The following TRAP1 variants were observed in gnomAD, a reference collection of about 807,000 sequenced individuals.
The protein encoded by TRAP1 is heat shock protein 75 kDa, mitochondrial.
Under a neutral mutation model 89.1 loss-of-function variants are expected in TRAP1, and 102 were observed. The ratio of observed to expected loss-of-function variants is 1.15; its 90% CI spans 0.98 to 1.35. The LOEUF (loss-of-function observed/expected upper bound fraction) is 1.35, where lower values mean the gene tolerates loss of function less well. TRAP1 is among the 40% of genes most tolerant of loss of function. The pLI is 0.00. For synonymous variants in TRAP1, 508 were observed against 388.0 expected (o/e 1.31, Z -3.64); for missense variants, 1,256 against 945.3 (o/e 1.33, Z -4.31).
At chr16:3,663,305 C>A in intron 14 of TRAP1, 119 bp downstream of exon 14, 1 of 1,365,902 alleles carries the variant, frequency 7.3e-7, no homozygotes, top group Non-Finnish European at 1.0e-6. Context: ...AGGCTCTTCT[C>A]GGGGGTGGCT....
chr16:3,664,539 C>T (rs969877809), intron 12 of TRAP1, 80 bp from the exon 13 acceptor site: 34 of 1,448,816 alleles, frequency 2.3e-5, no homozygotes, highest in East Asian at 2.3e-4. Flanking sequence ...GCAAACCCTC[C>T]GATGCCCATG....
intron 1 of TRAP1, among the ~76,000 whole-genome samples, chr16:3,715,505 T>C (rs1034569008): frequency 6.6e-6 from 1 of 151,994 alleles, no homozygotes; most frequent in African/African-American, 2.4e-5. Flanking sequence ...AAAACTGACA[T>C]ATTTTCCAAA....
chr16:3,706,006 T>C (rs1323408496), intron 1 of TRAP1, among the ~76,000 whole-genome samples: 2 of 151,156 alleles, frequency 1.3e-5, no homozygotes, highest in Non-Finnish European at 3.0e-5. Flanking sequence ...TTTTTCTTTT[T>C]TTTTTTTTGA....
chr16:3,709,615 A>C (rs532951809), intron 1 of TRAP1, among the ~76,000 whole-genome samples: 6 of 152,118 alleles, frequency 3.9e-5, no homozygotes, highest in African/African-American at 1.4e-4. Flanking sequence ...GGAAGATTAC[A>C]CACGGTTCCT....
Position 3,707,475 on chromosome 16 carries a change from G to A in TRAP1, c.88+9946C>T, listed in dbSNP as rs142559788. ...GCTAGGATTACAAGCGTGAGCCACC[G>A]CGCCCGGCCTTAAGAGGAAATGTTT... On this transcript the variant is annotated intron_variant, in intron 1 of 17. Transcript: ENST00000246957. Among the ~76,000 whole-genome samples the A allele has an allele frequency of 1.5e-3, 228 of 151,282 alleles. 1 individual carries two copies. Among genetic ancestry groups the A allele is most frequent in the African/African-American group, 4.9e-3 (203 of 41,250 alleles).
chr16:3,711,990 C>T (rs1380700178), intron 1 of TRAP1, among the ~76,000 whole-genome samples: 1 of 152,066 alleles, frequency 6.6e-6, no homozygotes, highest in African/African-American at 2.4e-5. Context: ...TTTTCAATCG[C>T]TATCAAGATT....
At position 3,675,408 on chromosome 16, in the gene TRAP1, C is replaced by A. The variant is rs1470894532; in HGVS notation, c.815-11G>T. The A allele has an allele frequency of 1.2e-6, 2 of 1,613,154 alleles. No homozygotes were observed. Among genetic ancestry groups the A allele is most frequent in the East Asian group, 2.2e-5 (1 of 44,846 alleles). On this transcript the variant is annotated splice_polypyrimidine_tract_variant and intron_variant, in intron 7 of 17. Coordinates refer to ENST00000246957, the MANE Select transcript of TRAP1 (RefSeq NM_016292.3). ...ACTTCGTTACCACATCTGGAAGGGA[C>A]AAAAGAAAAACCACACTGCATCTAC...
In TRAP1 at chr16:3,663,666, A is replaced by G. The variant is rs556127822; in HGVS notation, c.1570-104T>C. ...GGGCTGGGGGAGCCAAGCGGGCCAC[A>G]CTGGGGAACACCGGGGCAGTTGGGG... On this transcript the variant is annotated intron_variant, in intron 13 of 17. Transcript: ENST00000246957. 2.4e-5 allele frequency: 35 copies of G among 1,455,854 alleles called. 2 individuals carry two copies. The allele number at this position is 1,455,854 out of a possible 1,614,324, so 90.2% of individuals were successfully genotyped here. A position where few individuals can be genotyped will look rare whatever the true frequency, so the allele number is the denominator to read the frequency against.
At chr16:3,667,814 A>G (rs1426938440) in intron 11 of TRAP1, among the ~76,000 whole-genome samples, 2 of 148,094 alleles carry the variant, frequency 1.4e-5, no homozygotes, top group Non-Finnish European at 3.0e-5. Flanking sequence ...GCTGGAGTGC[A>G]GTGGCGTGAT....
rs576073204 is a variant in TRAP1 at position 3,663,679 on chromosome 16, G to C, written c.1570-117C>G. 9 of 1,300,626 alleles carry C rather than the reference G, an allele frequency of 6.9e-6. No homozygotes were observed. The South Asian group carries it at 1.1e-4, about 16-fold the overall frequency. 80.6% of individuals were successfully genotyped at this position (1,300,626 alleles called of 1,614,324 possible). A position where few individuals can be genotyped will look rare whatever the true frequency, so the allele number is the denominator to read the frequency against. On this transcript the variant is annotated intron_variant, in intron 13 of 17. Coordinates refer to ENST00000246957, the MANE Select transcript of TRAP1 (RefSeq NM_016292.3). ...CAAGCGGGCCACACTGGGGAACACC[G>C]GGGCAGTTGGGGTTCCTAGGCCTGC...
intron 14 of TRAP1, 184 bp from the exon 15 acceptor site, chr16:3,663,151 A>C (rs12920345): frequency 4.8e-5 from 32 of 662,082 alleles, no homozygotes; most frequent in Non-Finnish European, 5.6e-5. Flanking sequence ...TGAGGCCCAT[A>C]CAACTTGGTT....
At chr16:3,671,700 C>T in intron 11 of TRAP1, 22 bp downstream of exon 11, 3 of 1,610,494 alleles carry the variant, frequency 1.9e-6, no homozygotes, top group Non-Finnish European at 2.5e-6. Flanking sequence ...GCAGGGTCCT[C>T]TCCCCGCGGC....
At position 3,689,036 on chromosome 16, in the gene TRAP1, T is replaced by A. The variant is rs896785483; in HGVS notation, c.330+19A>T. The A allele has an allele frequency of 3.1e-6, 5 of 1,589,304 alleles. No homozygotes were observed. The highest frequency in any genetic ancestry group is 1.8e-5 in the Admixed American group (1 of 55,270). On this transcript the variant is annotated intron_variant, in intron 3 of 17. Coordinates refer to ENST00000246957, the MANE Select transcript of TRAP1 (RefSeq NM_016292.3). ...AAAGAAACTTTGCTAGCATCGGGCA[T>A]GGTTAGCAGGGAACGCACCTCTTTT...
chr16:3,658,933 G>C, intron 16 of TRAP1, 68 bp from the exon 17 acceptor site: 1 of 1,514,588 alleles, frequency 6.6e-7, no homozygotes, highest in Non-Finnish European at 9.1e-7. Flanking sequence ...TTCATGTTTT[G>C]GGATTATCAG....
intron 1 of TRAP1, among the ~76,000 whole-genome samples, chr16:3,698,734 C>A (rs868014521): frequency 6.6e-6 from 1 of 152,034 alleles, no homozygotes; most frequent in African/African-American, 2.4e-5. Context: ...TGGCAAAACC[C>A]CATCTCTACA....
chr16:3,712,939 C>G (rs1156678187), intron 1 of TRAP1, among the ~76,000 whole-genome samples: 1 of 152,132 alleles, frequency 6.6e-6, no homozygotes, highest in Non-Finnish European at 1.5e-5. Flanking sequence ...TTCAGGCACT[C>G]AGATAACTCA....
At chr16:3,698,485 G>A (rs978561871) in intron 1 of TRAP1, among the ~76,000 whole-genome samples, 1 of 151,796 alleles carries the variant, frequency 6.6e-6, no homozygotes, top group Non-Finnish European at 1.5e-5. Flanking sequence ...TGTATTTTTA[G>A]TAGAGATGGG....
intron 1 of TRAP1, among the ~76,000 whole-genome samples, chr16:3,701,073 G>T (rs1274696043): frequency 6.6e-6 from 1 of 151,890 alleles, no homozygotes; most frequent in Admixed American, 6.6e-5. Flanking sequence ...TAAACATAAA[G>T]AAAAAGATAC....
intron 4 of TRAP1, among the ~76,000 whole-genome samples, chr16:3,680,704 G>A (rs1254155814): frequency 6.6e-6 from 1 of 152,220 alleles, no homozygotes. Context: ...AGTCCCAAGG[G>A]GATGGCACTG....
Sources: gnomAD v4.1 joint callset for allele counts (sites outside exome capture counted in the v4.1 genomes callset) on GRCh38, gnomAD v4.1.1 for gene constraint, MANE v1.5 for transcripts, NCBI Gene and HGNC (gene_info 2026-07-23, HGNC 2026-07-21) for gene names.